Variants in C2orf81 observed in about 807,000 individuals in gnomAD.
C2orf81 encodes the protein chromosome 2 open reading frame 81, also known as uncharacterized protein C2orf81.
In C2orf81, 5 loss-of-function variants were observed where a neutral mutation model predicts 7.9. That is an observed-to-expected ratio of 0.63 (90% CI 0.33 to 1.33). The LOEUF (loss-of-function observed/expected upper bound fraction) is 1.33. Ranked by LOEUF, C2orf81 falls within the 40% of genes most tolerant of loss-of-function variation. The probability of loss-of-function intolerance (pLI) is 0.05; values close to 1 mark genes in which losing one functional copy is unlikely to be tolerated. For synonymous variants in C2orf81, 346 were observed against 367.4 expected, an observed-to-expected ratio of 0.94 and a Z score of 0.66; for missense variants, 781 against 830.4, an observed-to-expected ratio of 0.94 and a Z score of 0.73.
Position 74,417,282 on chromosome 2 carries a change from T to A in C2orf81, c.19-1041A>T, listed in dbSNP as rs1486373923. 3.2e-6 allele frequency: 3 copies of A among 950,034 alleles called. No individual in the cohort carries two copies. The East Asian group carries it at 1.8e-4, about 59-fold the overall frequency. 58.9% of individuals were successfully genotyped at this position (950,034 alleles called of 1,614,324 possible). ...TGAGCTCCTTGTTATTGGTGCCCCA[T>A]CTGAGGAGAGGAAAATGGCCAAGTG... On this transcript the variant is annotated intron_variant, in intron 1 of 2. Transcript: ENST00000684111.
intron 1 of C2orf81, chr2:74,418,085 T>TGGG: frequency 1.7e-6 from 1 of 575,576 alleles, no homozygotes. Flanking sequence ...GGTGGGGGGT[T>TGGG]GGGAGCAGAT....
At chr2:74,420,970 C>CG (rs906972630) in intron 1 of C2orf81, among the ~76,000 whole-genome samples, 5 of 151,844 alleles carry the variant, frequency 3.3e-5, no homozygotes, top group South Asian at 4.2e-4. Context: ...TTAGTCGAGA[C>CG]GGGGTCTCGC....
Position 74,414,368 on chromosome 2 carries a change from C to A in C2orf81, c.1809G>T (p.Glu603Asp). 1 of 1,513,804 alleles carries A rather than the reference C, an allele frequency of 6.6e-7. No individual in the cohort carries two copies. Among genetic ancestry groups the A allele is most frequent in the Non-Finnish European group, 8.9e-7 (1 of 1,125,122 alleles). 93.8% of individuals were successfully genotyped at this position (1,513,804 alleles called of 1,614,324 possible). A position where few individuals can be genotyped will look rare whatever the true frequency, so the allele number is the denominator to read the frequency against. Residue 603 changes from glutamate to aspartate, a missense_variant, in exon 3 of 3, where the codon GAG (glutamate) becomes GAT (aspartate). Coordinates refer to ENST00000684111, the MANE Select transcript of C2orf81 (RefSeq NM_001316764.3). The surrounding 1 kb of genome is among the most constrained non-coding windows in gnomAD (Gnocchi z 5.3). Reference sequence around the variant, plus strand: ...GGGCACCTGTCTGGATGGGATGTTGCTCAACGGGAGGAAAGGTGCTACCTT... The same window carrying A: ...GGGCACCTGTCTGGATGGGATGTTGATCAACGGGAGGAAAGGTGCTACCTT... Reference protein sequence around the residue: ...DKEGSTFPPVEQHPIQTGAPK... With the variant: ...DKEGSTFPPVDQHPIQTGAPK...
rs772547116 is a variant in C2orf81 at position 74,414,712 on chromosome 2, C to T, written c.1465G>A (p.Val489Met). 1.2e-5 allele frequency: 19 copies of T among 1,545,814 alleles called. No individual in the cohort carries two copies. Among genetic ancestry groups the T allele is most frequent in the Non-Finnish European group, 1.5e-5 (17 of 1,143,318 alleles). ...AGCTTGGGGCTGCGGCTGCGGGCCA[C>T]ATCAGGGAGCACCGGGTGTGTGGTG... ...FLTTHPVLPDVARSRSPKLWP... is the reference protein window; with the variant it reads ...FLTTHPVLPDMARSRSPKLWP... Residue 489 changes from valine to methionine, a missense_variant, in exon 3 of 3, where the codon GTG (valine) becomes ATG (methionine). Val to Met is a conservative substitution (Grantham distance 21). Coordinates refer to ENST00000684111, the MANE Select transcript of C2orf81 (RefSeq NM_001316764.3). The surrounding 1 kb of genome is among the most constrained non-coding windows in gnomAD (Gnocchi z 5.3).
chr2:74,418,659 G>A (rs1676529617), intron 1 of C2orf81: 1 of 561,682 alleles, frequency 1.8e-6, no homozygotes, highest in South Asian at 2.0e-5. Context: ...CCACTTAGAA[G>A]AGCACAGCCC....
chr2:74,415,157 G>GCCGCCCGCGGAGGGGCGGGTGGCA lies in C2orf81; in HGVS notation c.1019_1020insTGCCACCCGCCCCTCCGCGGGCGG (p.Gly339_Ala346dup). 6.5e-7 allele frequency: 1 copy of GCCGCCCGCGGAGGGGCGGGTGGCA among 1,535,160 alleles called. No homozygotes were observed. On this transcript the variant is annotated inframe_insertion, in exon 3 of 3. Transcript: ENST00000684111. This position sits in a 1 kb window ranked among gnomAD's most constrained non-coding sequence, Gnocchi z 5.5. ...GGCAGGACGCGGAGGGGCGGGTGGC[G>GCCGCCCGCGGAGGGGCGGGTGGCA]CCGCCCACAGAGGGGTAGGACACCA...
At chr2:74,417,351 AG>A (rs991859005) in intron 1 of C2orf81, 2 of 1,306,670 alleles carry the variant, frequency 1.5e-6, no homozygotes, top group African/African-American at 3.0e-5. Context: ...AGCCCACCTC[AG>A]GTAGCTGCCA....
In C2orf81 at chr2:74,416,116, C is replaced by G; in HGVS notation, c.144G>C (p.Met48Ile). ...VPGRLSEAEW[M>I]ALTALEEGED... is the part of the protein sequence containing the mutation. ...CGCCCTCCTCGAGGGCTGTAAGCGCCATCCACTCGGCCTCACTGAGCCGCC... is the reference window on the plus strand; with the variant it reads ...CGCCCTCCTCGAGGGCTGTAAGCGCGATCCACTCGGCCTCACTGAGCCGCC... The change falls in exon 2 of 3, where the codon ATG becomes ATC. Residue 48 changes from methionine (M) to isoleucine (I), a missense_variant. By Grantham distance (10) the Met-to-Ile change is conservative. Coordinates refer to ENST00000684111, the MANE Select transcript of C2orf81 (RefSeq NM_001316764.3). 6 of 1,535,790 alleles carry G rather than the reference C, an allele frequency of 3.9e-6. No homozygotes were observed. Among genetic ancestry groups the G allele is most frequent in the Non-Finnish European group, 5.3e-6 (6 of 1,137,540 alleles).
At position 74,414,998 on chromosome 2, in the gene C2orf81, C is replaced by T. The variant is rs1236817894; in HGVS notation, c.1179G>A (p.Leu393=). The change falls in exon 3 of 3, where the codon CTG becomes CTA. Residue 393 remains leucine (L), a synonymous_variant. Coordinates refer to ENST00000684111, the MANE Select transcript of C2orf81 (RefSeq NM_001316764.3). This position sits in a 1 kb window ranked among gnomAD's most constrained non-coding sequence, Gnocchi z 5.3. Reference sequence around the variant, plus strand: ...AGGGGCGTGTTTGAGAGTCTGGGACCAGGACCTCAGCCAGAGGGCGCACCC... The same window carrying T: ...AGGGGCGTGTTTGAGAGTCTGGGACTAGGACCTCAGCCAGAGGGCGCACCC... The part of the protein sequence containing the change: ...CHWVRPLAEV[L]VPDSQTRPLE... 5 of 1,549,010 alleles carry T rather than the reference C, an allele frequency of 3.2e-6. No individual in the cohort carries two copies. The highest frequency in any genetic ancestry group is 4.4e-6 in the Non-Finnish European group (5 of 1,146,290).
At chr2:74,419,747 A>G (rs559961056) in intron 1 of C2orf81, among the ~76,000 whole-genome samples, 9 of 152,204 alleles carry the variant, frequency 5.9e-5, no homozygotes, top group Admixed American at 2.0e-4. Context: ...ATATTATGCA[A>G]TGATTAAAGG....
intron 1 of C2orf81, among the ~76,000 whole-genome samples, chr2:74,420,784 T>C (rs1443413107): frequency 3.7e-5 from 5 of 135,342 alleles, no homozygotes; most frequent in African/African-American, 1.5e-4. Flanking sequence ...TTTTTTTTTT[T>C]TTTTTTTTTT....
Position 74,414,653 on chromosome 2 carries a change from C to G in C2orf81, c.1524G>C (p.Glu508Asp), listed in dbSNP as rs1676388648. The change falls in exon 3 of 3, where the codon GAG becomes GAC. Residue 508 changes from glutamate to aspartate, a missense_variant. By Grantham distance (45) the Glu-to-Asp change is conservative (BLOSUM62 2). Coordinates refer to ENST00000684111, the MANE Select transcript of C2orf81 (RefSeq NM_001316764.3). This position sits in a 1 kb window ranked among gnomAD's most constrained non-coding sequence, Gnocchi z 5.3. The stretch of plus-strand genomic sequence containing the variant: ...GCTCGCCCAGCAGCTCGGCCTTCCC[C>G]TCCCAACCGCTGGGCCACCTGACAC... ...WPSVRWPSGW[E>D]GKAELLGELW... is the part of the protein sequence containing the mutation. 1 of 1,549,392 alleles carries G rather than the reference C, an allele frequency of 6.5e-7. No individual in the cohort carries two copies. The highest frequency in any genetic ancestry group is 8.7e-7 in the Non-Finnish European group (1 of 1,145,612).
chr2:74,415,964 G>T lies in C2orf81; in HGVS notation c.250-37C>A. 1.3e-6 allele frequency: 2 copies of T among 1,547,202 alleles called. No homozygotes were observed. Among genetic ancestry groups the T allele is most frequent in the Non-Finnish European group, 8.7e-7 (1 of 1,143,866 alleles). On this transcript the variant is annotated intron_variant, in intron 2 of 2. Coordinates refer to ENST00000684111, the MANE Select transcript of C2orf81 (RefSeq NM_001316764.3). The surrounding 1 kb of genome is among the most constrained non-coding windows in gnomAD (Gnocchi z 5.5). The stretch of plus-strand genomic sequence containing the variant: ...AGAGAGGATCTCAGGTCGGCAGGGA[G>T]GGGCGGGAGAGGGAGACGAGTCTGA...
rs1436017760 is a variant in C2orf81, at chr2:74,415,700, G to A, written c.477C>T (p.Ser159=). 26 of 1,551,452 alleles carry A rather than the reference G, an allele frequency of 1.7e-5. No homozygotes were observed. Among genetic ancestry groups the A allele is most frequent in the Non-Finnish European group, 2.3e-5 (26 of 1,147,014 alleles). ...CAGAGGAGTCCGGAGAGGCTCCTGA[G>A]GAGTGTACTTCGCCTTGGAAGTTCT... The part of the protein sequence containing the change: ...GLENFQGEVH[S]SGASPDSSAI... Residue 159 remains serine (S), a synonymous_variant, in exon 3 of 3, where the codon TCC becomes TCT. Transcript: ENST00000684111. This position sits in a 1 kb window ranked among gnomAD's most constrained non-coding sequence, Gnocchi z 5.5.
At chr2:74,418,367 G>A (rs371231314) in intron 1 of C2orf81, 15 of 1,597,876 alleles carry the variant, frequency 9.4e-6, no homozygotes, top group Admixed American at 5.0e-5. Flanking sequence ...GGCCTGCCAC[G>A]GCCCCGCTTC....
At position 74,420,769 on chromosome 2, in the gene C2orf81, C is replaced by T. The variant is rs866153352; in HGVS notation, c.18+774G>A. ...CTTCAAATCCGTTTTCTTTCTTCTT[C>T]TTCTTTTTTTTTTTTTTTTTTTTTT... is the stretch of plus-strand genomic sequence containing the variant. On this transcript the variant is annotated intron_variant, in intron 1 of 2. Coordinates refer to ENST00000684111, the MANE Select transcript of C2orf81 (RefSeq NM_001316764.3). 5.1e-5 allele frequency among the ~76,000 whole-genome samples: 6 copies of T among 118,712 alleles called. 1 individual carries two copies. The highest frequency in any genetic ancestry group is 2.3e-4 in the African/African-American group (6 of 26,138). 77.9% of individuals were successfully genotyped at this position (118,712 alleles called of 152,430 possible). A position where few individuals can be genotyped will look rare whatever the true frequency, so the allele number is the denominator to read the frequency against.
In C2orf81 at chr2:74,416,019, T is replaced by C; in HGVS notation, c.241A>G (p.Thr81Ala). ...VMDSAFKVYLTQQCIPFTISQ... is the reference protein window; with the variant it reads ...VMDSAFKVYLAQQCIPFTISQ... ...CCCGGATCCCGGCCCACCTGCTGAG[T>C]CAGGTAGACTTTGAAAGCAGAGTCC... is the stretch of plus-strand genomic sequence containing the variant. Residue 81 changes from threonine to alanine, a missense_variant, in exon 2 of 3, where the codon ACT (threonine) becomes GCT (alanine). Coordinates refer to ENST00000684111, the MANE Select transcript of C2orf81 (RefSeq NM_001316764.3). The C allele has an allele frequency of 6.5e-7, 1 of 1,549,934 alleles. No homozygotes were observed. Among genetic ancestry groups the C allele is most frequent in the Non-Finnish European group, 8.7e-7 (1 of 1,146,828 alleles).
chr2:74,421,432 G>A, intron 1 of C2orf81, 111 bp downstream of exon 1: 1 of 269,042 alleles, frequency 3.7e-6, no homozygotes. Flanking sequence ...CCGCGCGGTG[G>A]GCGGGAGCAA....
chr2:74,415,054 G>A lies in C2orf81; in HGVS notation c.1123C>T (p.Arg375Cys). 6.5e-7 allele frequency: 1 copy of A among 1,548,486 alleles called. No individual in the cohort carries two copies. The highest frequency in any genetic ancestry group is 1.2e-5 in the South Asian group (1 of 83,956). ...HRMRRKAAVK[R>C]LDPARLPCHW... ...CACGGGAGCCTCGCAGGGTCCAGGC[G>A]TTTCACGGCCGCCTTGCGGCGCATC... Residue 375 changes from arginine (R) to cysteine (C), a missense_variant, in exon 3 of 3, where the codon CGC (arginine) becomes TGC (cysteine). By Grantham distance (180) the Arg-to-Cys change is radical. Transcript: ENST00000684111. The surrounding 1 kb of genome is among the most constrained non-coding windows in gnomAD (Gnocchi z 5.5).
Sources: allele counts gnomAD v4.1 joint callset (sites outside exome capture counted in the v4.1 genomes callset), GRCh38; gene constraint gnomAD v4.1.1; non-coding constraint Gnocchi (gnomAD v3.1); transcripts MANE v1.5; gene names NCBI Gene and HGNC (gene_info 2026-07-23, HGNC 2026-07-21).